PCDH15: variants seen among roughly 807,000 people sequenced by gnomAD.
The protein encoded by PCDH15 is protocadherin-15.
In PCDH15, 129 loss-of-function variants were observed where a neutral mutation model predicts 178.5. The ratio of observed to expected loss-of-function variants is 0.72; its 90% CI spans 0.63 to 0.84. The LOEUF (loss-of-function observed/expected upper bound fraction) is 0.84. Ranked by LOEUF, PCDH15 falls within the 40% of genes least tolerant of loss-of-function variation. The probability of loss-of-function intolerance (pLI) is 0.00; values close to 1 mark genes in which losing one functional copy is unlikely to be tolerated. For missense variants in PCDH15, 2,230 were observed against 2,099.9 expected, an observed-to-expected ratio of 1.06 and a Z score of -1.21; for synonymous variants, 800 against 732.0, an observed-to-expected ratio of 1.09 and a Z score of -1.50.
chr10:54,183,558 T>C lies in PCDH15; in HGVS notation c.1476A>G (p.Pro492=). The C allele has an allele frequency of 6.2e-7, 1 of 1,614,062 alleles. No individual in the cohort carries two copies. Among genetic ancestry groups the C allele is most frequent in the Non-Finnish European group, 8.5e-7 (1 of 1,179,980 alleles). The stretch of plus-strand genomic sequence containing the variant: ...CCATCACTTGAATATTGACGATGAC[T>C]GGCTCACTTTCTTGTACACCATCAA... ...TAFDGVQESE[P]VIVNIQVMDA... is the part of the protein sequence containing the mutation. The change falls in exon 13 of 38, where the codon CCA becomes CCG. Residue 492 remains proline (P), a synonymous_variant. Transcript: ENST00000644397.
intron 2 of PCDH15, among the ~76,000 whole-genome samples, chr10:55,364,765 A>G (rs1845312904): frequency 6.6e-6 from 1 of 152,066 alleles, no homozygotes; most frequent in Admixed American, 6.6e-5. Context: ...ATTTCCATGC[A>G]GTGTTTTTCC....
intron 20 of PCDH15, among the ~76,000 whole-genome samples, chr10:54,004,801 A>G (rs1028788367): frequency 7.2e-4 from 109 of 152,212 alleles, no homozygotes; most frequent in Non-Finnish European, 1.0e-4. Flanking sequence ...ACAGAAAAAA[A>G]ATTCTAAACT....
chr10:53,893,778 A>G (rs2081752519), intron 26 of PCDH15, among the ~76,000 whole-genome samples: 1 of 152,154 alleles, frequency 6.6e-6, no homozygotes, highest in Admixed American at 6.5e-5. Context: ...AATACAATGA[A>G]TTTTGGGGAC....
chr10:54,527,945 T>A, intron 2 of PCDH15, 68 bp from the exon 3 acceptor site: 1 of 1,204,284 alleles, frequency 8.3e-7, no homozygotes, highest in Non-Finnish European at 1.2e-6. Flanking sequence ...AAAAAATTCA[T>A]TGAGATGTAT....
intron 5 of PCDH15, among the ~76,000 whole-genome samples, chr10:54,356,336 T>A (rs1944967119): frequency 6.6e-6 from 1 of 151,924 alleles, no homozygotes; most frequent in African/African-American, 2.4e-5. Flanking sequence ...GTCATGAAAG[T>A]CAAGGAAGTA....
At chr10:53,968,144 C>T (rs913339527) in intron 21 of PCDH15, among the ~76,000 whole-genome samples, 2 of 152,170 alleles carry the variant, frequency 1.3e-5, no homozygotes, top group African/African-American at 4.8e-5. Context: ...AATTGGTACA[C>T]TCCCACTCTA....
chr10:54,949,292 G>C (rs990272439), intron 2 of PCDH15, among the ~76,000 whole-genome samples: 1 of 151,880 alleles, frequency 6.6e-6, no homozygotes, highest in African/African-American at 2.4e-5. Context: ...GGGCAAACAA[G>C]TCACCATCTT....
chr10:53,924,348 C>G (rs112662794), intron 25 of PCDH15, among the ~76,000 whole-genome samples: 1 of 152,220 alleles, frequency 6.6e-6, no homozygotes. Context: ...GAGGGTGCAC[C>G]GGGTCCCCCA....
At position 55,105,384 on chromosome 10, in the gene PCDH15, T is replaced by C. The variant is rs555187188; in HGVS notation, c.-80+61192A>G. 1.1e-4 allele frequency among the ~76,000 whole-genome samples: 16 copies of C among 152,304 alleles called. No homozygotes were observed. In the South Asian group the frequency reaches 3.3e-3, roughly 32 times the overall value. On this transcript the variant is annotated intron_variant, in intron 2 of 5. Transcript: ENST00000458638. ...GGGCCTGCATATTTCAAATCCATGT[T>C]ATTCAAAGATCAACTATACTGTATT...
At chr10:54,442,078 G>T (rs1031543905) in intron 3 of PCDH15, among the ~76,000 whole-genome samples, 8 of 151,434 alleles carry the variant, frequency 5.3e-5, no homozygotes, top group South Asian at 2.1e-4. Flanking sequence ...AACAAGTAAA[G>T]TTGCCATAAG....
At position 54,948,271 on chromosome 10, in the gene PCDH15, T is replaced by G. The variant is rs113345054; in HGVS notation, c.-79-50771A>C. On this transcript the variant is annotated intron_variant, in intron 2 of 5. Transcript: ENST00000458638. ...AAAAGAGCCATTATTTCTGTTTGAG[T>G]GCAAGGGCTGGAAGAGACTGATGCC... Among the ~76,000 whole-genome samples, 1,260 of 152,048 alleles carry G rather than the reference T, an allele frequency of 8.3e-3. 16 individuals are homozygous for G. The highest frequency in any genetic ancestry group is 0.012 in the Non-Finnish European group (808 of 67,904).
chr10:54,701,122 A>G (rs761915341), intron 1 of PCDH15, among the ~76,000 whole-genome samples: 1 of 152,110 alleles, frequency 6.6e-6, no homozygotes, highest in Non-Finnish European at 1.5e-5. Flanking sequence ...AAATAATCAC[A>G]ACAAATTGGA....
rs183771253 is a variant in PCDH15, at chr10:54,504,284, T to G, written c.157+23528A>C. ...CCTAAACACCCTGCTATTTTACAAC[T>G]ATTTGCCAAGAACATCTTCCCTGCC... is the stretch of plus-strand genomic sequence containing the variant. On this transcript the variant is annotated intron_variant, in intron 3 of 37. Coordinates refer to ENST00000644397, the MANE Select transcript of PCDH15 (RefSeq NM_001384140.1). Among the ~76,000 whole-genome samples, 105 of 152,250 alleles carry G rather than the reference T, an allele frequency of 6.9e-4. 1 individual carries two copies. The Middle Eastern group carries it at 0.02, about 30-fold the overall frequency.
chr10:54,787,835 T>C (rs1356929542), intron 1 of PCDH15, among the ~76,000 whole-genome samples: 1 of 152,028 alleles, frequency 6.6e-6, no homozygotes, highest in Admixed American at 6.6e-5. Context: ...AAGCCAGTTA[T>C]ATATCACTAG....
chr10:54,385,785 C>A (rs575550674), intron 3 of PCDH15, among the ~76,000 whole-genome samples: 67 of 152,210 alleles, frequency 4.4e-4, no homozygotes, highest in African/African-American at 1.6e-3. Flanking sequence ...AAATAAGATT[C>A]TTTCAGGTAT....
At chr10:54,594,795 C>A (rs539600824) in intron 2 of PCDH15, among the ~76,000 whole-genome samples, 12 of 152,272 alleles carry the variant, frequency 7.9e-5, no homozygotes, top group African/African-American at 2.6e-4. Flanking sequence ...TGTTGCACTG[C>A]CATTTTTGTT....
At chr10:55,181,956 C>T (rs528198091) in intron 1 of PCDH15, among the ~76,000 whole-genome samples, 4 of 152,046 alleles carry the variant, frequency 2.6e-5, no homozygotes, top group African/African-American at 4.8e-5. Flanking sequence ...TCTCTATAAT[C>T]TAATTTTCTG....
At chr10:54,073,304 ATATTG>A (rs757309154) in intron 17 of PCDH15, among the ~76,000 whole-genome samples, 8 of 151,606 alleles carry the variant, frequency 5.3e-5, no homozygotes, top group Non-Finnish European at 1.0e-4. Context: ...CATGTTACAT[ATATTG>A]TAAAGATTCA....
chr10:54,414,543 GTT>G (rs1954037103), intron 3 of PCDH15, among the ~76,000 whole-genome samples: 2 of 152,026 alleles, frequency 1.3e-5, no homozygotes, highest in African/African-American at 4.8e-5. Flanking sequence ...TTTTGATAAA[GTT>G]AGAATTTTCA....
Sources: gnomAD v4.1 joint callset for allele counts (sites outside exome capture counted in the v4.1 genomes callset) on GRCh38, gnomAD v4.1.1 for gene constraint, MANE v1.5 for transcripts, NCBI Gene and HGNC (gene_info 2026-07-23, HGNC 2026-07-21) for gene names.